The following WHRN variants were observed in gnomAD, a reference collection of about 807,000 sequenced individuals.
WHRN encodes the protein whirlin.
A neutral mutation model predicts 68.3 loss-of-function variants in WHRN; 41 were observed. The observed-to-expected ratio is 0.60, with a 90% confidence interval of 0.47 to 0.78. WHRN has a LOEUF of 0.78. WHRN is among the 30% of genes least tolerant of loss of function. The probability of loss-of-function intolerance (pLI) is 0.00; values close to 1 mark genes in which losing one functional copy is unlikely to be tolerated. For missense variants in WHRN, 1,243 were observed against 1,244.7 expected (o/e 1.00, Z 0.02); for synonymous variants, 560 against 561.3 (o/e 1.00, Z 0.03).
rs149048712 is a variant in WHRN at position 114,458,779 on chromosome 9, G to C, written c.963+7488C>G. Among the ~76,000 whole-genome samples the C allele has an allele frequency of 7.1e-3, 1,081 of 152,348 alleles. 5 individuals are homozygous for C. Among genetic ancestry groups the C allele is most frequent in the South Asian group, 0.012 (56 of 4,830 alleles). On this transcript the variant is annotated intron_variant, in intron 3 of 11. Coordinates refer to ENST00000362057, the MANE Select transcript of WHRN (RefSeq NM_015404.4). ...TTGAATGGGGAGGGTGGGAGTGGGA[G>C]ACAGAAGGCAGCAAAGAATCCTGGT... is the stretch of plus-strand genomic sequence containing the variant.
intron 1 of WHRN, among the ~76,000 whole-genome samples, chr9:114,486,812 GGCAA>G (rs1842504911): frequency 1.3e-5 from 1 of 76,706 alleles, no homozygotes. Context: ...CAGCTTCCCA[GGCAA>G]AAAAAAAAAA....
chr9:114,461,224 A>T (rs1589188701), intron 3 of WHRN, among the ~76,000 whole-genome samples: 1 of 152,202 alleles, frequency 6.6e-6, no homozygotes, highest in South Asian at 2.1e-4. Flanking sequence ...TTAAGATTAT[A>T]AAAGGAATAT....
At chr9:114,493,382 G>GA (rs1564230067) in intron 1 of WHRN, among the ~76,000 whole-genome samples, 3 of 138,230 alleles carry the variant, frequency 2.2e-5, no homozygotes, top group African/African-American at 7.8e-5. Flanking sequence ...GTGGGGGTGG[G>GA]GGGGTGGGGA....
At chr9:114,489,879 G>A (rs1396299611) in intron 1 of WHRN, among the ~76,000 whole-genome samples, 1 of 150,830 alleles carries the variant, frequency 6.6e-6, no homozygotes, top group Non-Finnish European at 1.5e-5. Context: ...GAAAGGCTCT[G>A]CAGCTACTGA....
intron 3 of WHRN, among the ~76,000 whole-genome samples, chr9:114,465,117 T>C (rs1048635510): frequency 6.6e-6 from 1 of 152,126 alleles, no homozygotes. Context: ...TTGAACCTAG[T>C]CTTCCCTACT....
chr9:114,421,944 T>C (rs1289689858), intron 7 of WHRN, among the ~76,000 whole-genome samples: 1 of 151,722 alleles, frequency 6.6e-6, no homozygotes, highest in Non-Finnish European at 1.5e-5. Context: ...GGGATAGGGG[T>C]AAAAGAGTAT....
At chr9:114,472,377 C>T (rs1039795517) in intron 2 of WHRN, among the ~76,000 whole-genome samples, 1 of 152,224 alleles carries the variant, frequency 6.6e-6, no homozygotes, top group Admixed American at 6.5e-5. Context: ...AGAGGCCCTG[C>T]TCACCTGCCT....
chr9:114,453,972 A>G (rs2132750721), intron 3 of WHRN, among the ~76,000 whole-genome samples: 1 of 152,242 alleles, frequency 6.6e-6, no homozygotes, highest in East Asian at 1.9e-4. Context: ...TATCACAACC[A>G]AGAGTGTTTA....
intron 3 of WHRN, among the ~76,000 whole-genome samples, chr9:114,452,016 G>C (rs1258809629): frequency 6.6e-6 from 1 of 152,118 alleles, no homozygotes; most frequent in Non-Finnish European, 1.5e-5. Context: ...CCAAAATGCT[G>C]GCAATTGCTG....
rs557305826 is a variant in WHRN at position 114,425,442 on chromosome 9, C to T, written c.1167-418G>A. ...GCGGCTCAGCTCCAGCCGATGTGGG[C>T]TCAGGCTGCCAGACTTCCTGATTTT... On this transcript the variant is annotated intron_variant, in intron 4 of 11. Transcript: ENST00000362057. 277 of 463,438 alleles carry T rather than the reference C, an allele frequency of 6.0e-4. 1 individual carries two copies. Among genetic ancestry groups the T allele is most frequent in the African/African-American group, 4.9e-3 (253 of 51,730 alleles). 28.7% of individuals were successfully genotyped at this position (463,438 alleles called of 1,614,324 possible).
In WHRN at chr9:114,487,854, A is replaced by G. The variant is rs1842673537; in HGVS notation, c.619-9083T>C. Among the ~76,000 whole-genome samples the G allele has an allele frequency of 3.9e-5, 6 of 152,250 alleles. No individual in the cohort carries two copies. In the South Asian group the frequency reaches 1.2e-3, roughly 32 times the overall value. On this transcript the variant is annotated intron_variant, in intron 1 of 11. Transcript: ENST00000362057. The stretch of plus-strand genomic sequence containing the variant: ...GGACAGGGCTGGGTGGAGGCCTCGC[A>G]ATGTCCTTCTCCCAAGGGAGTGCTC...
chr9:114,481,919 C>T (rs1842121846), intron 1 of WHRN, among the ~76,000 whole-genome samples: 2 of 151,822 alleles, frequency 1.3e-5, no homozygotes, highest in African/African-American at 4.8e-5. Context: ...ACACTTGAGC[C>T]TCGTGAGAGA....
At chr9:114,456,819 A>C (rs1342096535) in intron 3 of WHRN, among the ~76,000 whole-genome samples, 5 of 70,780 alleles carry the variant, frequency 7.1e-5, no homozygotes, top group Admixed American at 1.9e-4. Context: ...ACAGAGCAAG[A>C]CTATCTCAAA....
At chr9:114,442,844 G>C (rs1589146324) in intron 3 of WHRN, among the ~76,000 whole-genome samples, 1 of 152,124 alleles carries the variant, frequency 6.6e-6, no homozygotes, top group African/African-American at 2.4e-5. Context: ...AAATTACCCA[G>C]GCTCGGATAT....
At chr9:114,447,744 TTCTC>T (rs1838956835) in intron 3 of WHRN, among the ~76,000 whole-genome samples, 1 of 136,332 alleles carries the variant, frequency 7.3e-6, no homozygotes. Flanking sequence ...GTCACTCACT[TTCTC>T]TCTCACACAC....
At position 114,403,902 on chromosome 9, in the gene WHRN, G is replaced by C. The variant is rs752996781; in HGVS notation, c.2412C>G (p.Asn804Lys). Residue 804 changes from asparagine to lysine, a missense_variant, in exon 10 of 12, where the codon AAC becomes AAG. By Grantham distance (94) the Asn-to-Lys change is moderately conservative. Coordinates refer to ENST00000362057, the MANE Select transcript of WHRN (RefSeq NM_015404.4). ...PRNERPTDGANKPPGLLEPTS... is the reference protein window; with the variant it reads ...PRNERPTDGAKKPPGLLEPTS... The stretch of plus-strand genomic sequence containing the variant: ...CCTCCTCCTCCTGGCTCACCGGTTT[G>C]TTGGCCCCATCTGTGGGCCTCTCGT... The C allele has an allele frequency of 1.2e-6, 2 of 1,610,556 alleles. No individual in the cohort carries two copies. The highest frequency in any genetic ancestry group is 8.5e-7 in the Non-Finnish European group (1 of 1,180,022).
chr9:114,490,380 C>T (rs529180515), intron 1 of WHRN, among the ~76,000 whole-genome samples: 2 of 152,280 alleles, frequency 1.3e-5, no homozygotes, highest in East Asian at 1.9e-4. Context: ...AGGATGGGAA[C>T]GTGGGTGTCT....
At chr9:114,410,563 A>G (rs951897156) in intron 7 of WHRN, among the ~76,000 whole-genome samples, 9 of 152,198 alleles carry the variant, frequency 5.9e-5, no homozygotes, top group Non-Finnish European at 1.5e-5. Context: ...CCTAAGACAG[A>G]GAGAGGCCAG....
intron 3 of WHRN, among the ~76,000 whole-genome samples, chr9:114,443,802 C>T (rs1227544286): frequency 1.3e-5 from 2 of 152,290 alleles, no homozygotes; most frequent in Middle Eastern, 3.4e-3. Flanking sequence ...TTTCACACTG[C>T]TGATAAGGAC....
Sources: gnomAD v4.1 joint callset for allele counts (sites outside exome capture counted in the v4.1 genomes callset) on GRCh38, gnomAD v4.1.1 for gene constraint, MANE v1.5 for transcripts, NCBI Gene and HGNC (gene_info 2026-07-23, HGNC 2026-07-21) for gene names.